USP31: variants seen among roughly 807,000 people sequenced by gnomAD.
USP31 encodes ubiquitin carboxyl-terminal hydrolase 31.
In USP31, 44 loss-of-function variants were observed where a neutral mutation model predicts 119.4. That is an observed-to-expected ratio of 0.37 (90% CI 0.29 to 0.47). The LOEUF is 0.47. USP31 is among the 20% of genes least tolerant of loss of function. USP31 has a pLI of 0.99. For missense variants in USP31, 1,643 were observed against 1,730.2 expected, an observed-to-expected ratio of 0.95 and a Z score of 0.89; for synonymous variants, 749 against 705.6, an observed-to-expected ratio of 1.06 and a Z score of -0.97.
chr16:23,111,492 T>C (rs954195156), intron 1 of USP31, among the ~76,000 whole-genome samples: 1 of 152,166 alleles, frequency 6.6e-6, no homozygotes, highest in Non-Finnish European at 1.5e-5. Flanking sequence ...TCGAATCCAT[T>C]GTAGCTGAAG....
chr16:23,131,221 A>C (rs1903021541), intron 1 of USP31, among the ~76,000 whole-genome samples: 1 of 152,244 alleles, frequency 6.6e-6, no homozygotes. Context: ...AGAGGATCTC[A>C]AGCCCTGCAA....
chr16:23,096,141 G>C (rs1901597029), intron 6 of USP31, among the ~76,000 whole-genome samples: 6 of 152,088 alleles, frequency 3.9e-5, no homozygotes, highest in Admixed American at 3.9e-4. Flanking sequence ...TAAAAGGATG[G>C]AGGAAGATCT....
intron 1 of USP31, 143 bp downstream of exon 1, chr16:23,148,492 AAAT>A: frequency 2.6e-6 from 3 of 1,169,172 alleles, no homozygotes; most frequent in Non-Finnish European, 3.3e-6. Context: ...AATCTCCTTA[AAAT>A]CACTGGTCGA....
At chr16:23,085,787 G>T in intron 9 of USP31, 125 bp from the exon 10 acceptor site, 1 of 872,482 alleles carries the variant, frequency 1.1e-6, no homozygotes, top group Non-Finnish European at 1.8e-6. Flanking sequence ...CTTCATCATA[G>T]TTCCCCATCA....
At chr16:23,103,992 C>T (rs905107562) in intron 5 of USP31, among the ~76,000 whole-genome samples, 1 of 152,140 alleles carries the variant, frequency 6.6e-6, no homozygotes, top group Admixed American at 6.5e-5. Flanking sequence ...ACACTGGAGA[C>T]ATTTAAAGAC....
intron 1 of USP31, among the ~76,000 whole-genome samples, chr16:23,117,382 C>T (rs1250463088): frequency 6.6e-6 from 1 of 152,166 alleles, no homozygotes. Context: ...TGCTGAATAA[C>T]GACTAGTAAA....
chr16:23,125,214 T>A (rs941772547), intron 1 of USP31, among the ~76,000 whole-genome samples: 1 of 152,206 alleles, frequency 6.6e-6, no homozygotes, highest in Non-Finnish European at 1.5e-5. Flanking sequence ...TATTACTATG[T>A]GGCAATGAAA....
intron 1 of USP31, among the ~76,000 whole-genome samples, chr16:23,133,768 A>G (rs1385982833): frequency 6.6e-6 from 1 of 152,180 alleles, no homozygotes; most frequent in African/African-American, 2.4e-5. Context: ...TAATGCATAT[A>G]TTTAAAATTA....
chr16:23,107,236 C>T (rs1245204321), intron 2 of USP31, among the ~76,000 whole-genome samples: 1 of 152,160 alleles, frequency 6.6e-6, no homozygotes, highest in Non-Finnish European at 1.5e-5. Flanking sequence ...TCATGTCCCT[C>T]CGCCTAACAA....
At chr16:23,102,635 T>G (rs1313341232) in intron 5 of USP31, among the ~76,000 whole-genome samples, 172 bp from the exon 6 acceptor site, 2 of 152,202 alleles carry the variant, frequency 1.3e-5, no homozygotes, top group Admixed American at 6.5e-5. Context: ...CAGTACCCTC[T>G]GTAATTATAT....
intron 1 of USP31, among the ~76,000 whole-genome samples, chr16:23,143,003 C>G (rs1457530272): frequency 6.6e-6 from 1 of 152,178 alleles, no homozygotes; most frequent in East Asian, 1.9e-4. Context: ...CATGGAAAAG[C>G]AGGCTGGGAA....
chr16:23,073,163 G>A (rs1174433992), intron 14 of USP31, among the ~76,000 whole-genome samples: 1 of 152,076 alleles, frequency 6.6e-6, no homozygotes, highest in Non-Finnish European at 1.5e-5. Context: ...CAGGCTGGAT[G>A]TCATCCGGCT....
In USP31 at chr16:23,148,656, C is replaced by G; in HGVS notation, c.615G>C (p.Gln205His). 1 of 1,495,196 alleles carries G rather than the reference C, an allele frequency of 6.7e-7. No individual in the cohort carries two copies. Among genetic ancestry groups the G allele is most frequent in the South Asian group, 1.3e-5 (1 of 79,386 alleles). The allele number at this position is 1,495,196 out of a possible 1,614,324, so 92.6% of individuals were successfully genotyped here. The change falls in exon 1 of 16, where the codon CAG becomes CAC. Residue 205 changes from glutamine (Q) to histidine (H), a missense_variant. Gln to His is a conservative substitution (Grantham distance 24). Transcript: ENST00000219689. ...GGCTCACCTTGAAGTCGCGGCTGTG[C>G]TGCGGGGTGTACTCCAGGGTCCAGA... Reference protein sequence around the residue: ...RALWTLEYTPQHSRDFKTIVS... With the variant: ...RALWTLEYTPHHSRDFKTIVS...
intron 1 of USP31, among the ~76,000 whole-genome samples, chr16:23,123,537 CAAATAAAT>C (rs1035316965): frequency 6.6e-6 from 1 of 151,630 alleles, no homozygotes; most frequent in East Asian, 1.9e-4. Context: ...GGCTGCATCT[CAAATAAAT>C]AAATAAATAA....
chr16:23,146,381 T>C (rs995977176), intron 1 of USP31, among the ~76,000 whole-genome samples: 14 of 151,946 alleles, frequency 9.2e-5, no homozygotes, highest in Non-Finnish European at 1.3e-4. Flanking sequence ...AAAAATTAAC[T>C]GGGCATGTAG....
intron 1 of USP31, among the ~76,000 whole-genome samples, chr16:23,138,698 C>T (rs1208373910): frequency 6.6e-6 from 1 of 152,126 alleles, no homozygotes; most frequent in Non-Finnish European, 1.5e-5. Flanking sequence ...TCTGAAGAAG[C>T]CATGTTGTTT....
intron 1 of USP31, among the ~76,000 whole-genome samples, chr16:23,121,967 C>A (rs1902683631): frequency 6.6e-6 from 1 of 152,148 alleles, no homozygotes; most frequent in Non-Finnish European, 1.5e-5. Context: ...ACAGTACCTT[C>A]ATATAATGAT....
chr16:23,075,279 G>A (rs992987105), intron 13 of USP31, among the ~76,000 whole-genome samples: 10 of 152,152 alleles, frequency 6.6e-5, no homozygotes, highest in African/African-American at 2.4e-4. Context: ...CAGCTGGGGA[G>A]TAGCTGCTCT....
intron 6 of USP31, among the ~76,000 whole-genome samples, chr16:23,101,637 C>G (rs759589720): frequency 1.3e-5 from 2 of 152,048 alleles, no homozygotes; most frequent in Non-Finnish European, 2.9e-5. Context: ...TAACCAGTTC[C>G]CAGGTAATAC....
Sources: gnomAD v4.1 joint callset for allele counts (sites outside exome capture counted in the v4.1 genomes callset) on GRCh38, gnomAD v4.1.1 for gene constraint, MANE v1.5 for transcripts, NCBI Gene and HGNC (gene_info 2026-07-23, HGNC 2026-07-21) for gene names.